The following CCDC91 variants were observed in gnomAD, a reference collection of about 807,000 sequenced individuals.
CCDC91 encodes coiled-coil domain containing 91, also known as coiled-coil domain-containing protein 91.
CCDC91 carries 48 observed loss-of-function variants against 63.2 expected under a neutral mutation model. The ratio of observed to expected loss-of-function variants is 0.76; its 90% confidence interval spans 0.60 to 0.97. CCDC91 has a LOEUF of 0.97. Among genes scored for constraint, CCDC91 ranks in the 50% least tolerant of loss-of-function variants. CCDC91 has a pLI of 0.00. For missense variants in CCDC91, 500 were observed against 494.6 expected, an observed-to-expected ratio of 1.01 and a Z score of -0.10; for synonymous variants, 167 against 165.8, an observed-to-expected ratio of 1.01 and a Z score of -0.06.
chr12:28,239,134 AAT>A (rs1555164216), intron 1 of CCDC91, among the ~76,000 whole-genome samples: 2 of 151,860 alleles, frequency 1.3e-5, no homozygotes, highest in East Asian at 3.9e-4. Flanking sequence ...AAAAAAAAAA[AAT>A]ATATGTGGCA....
intron 6 of CCDC91, among the ~76,000 whole-genome samples, chr12:28,343,784 G>A (rs966750114): frequency 7.2e-5 from 11 of 152,112 alleles, no homozygotes; most frequent in Non-Finnish European, 1.5e-4. Flanking sequence ...TAGAAATAAT[G>A]TATCATCTGA....
chr12:28,283,511 T>C (rs1948730834), intron 3 of CCDC91, among the ~76,000 whole-genome samples: 1 of 151,564 alleles, frequency 6.6e-6, no homozygotes, highest in South Asian at 2.1e-4. Context: ...CTTAGCTTGG[T>C]CATTATTGGT....
intron 12 of CCDC91, among the ~76,000 whole-genome samples, chr12:28,508,182 A>G (rs1405637669): frequency 6.6e-6 from 1 of 151,840 alleles, no homozygotes; most frequent in Non-Finnish European, 1.5e-5. Flanking sequence ...CCTCTATATA[A>G]TAAGTTCTTG....
chr12:28,500,431 T>A (rs1339593863), intron 12 of CCDC91, among the ~76,000 whole-genome samples: 1 of 152,166 alleles, frequency 6.6e-6, no homozygotes, highest in Non-Finnish European at 1.5e-5. Flanking sequence ...GCCTATGTCC[T>A]GAATGGTATT....
intron 8 of CCDC91, among the ~76,000 whole-genome samples, chr12:28,438,812 C>CCATCTTATGTTAAGGAG (rs1949038645): frequency 6.6e-6 from 1 of 152,058 alleles, no homozygotes; most frequent in Non-Finnish European, 1.5e-5. Context: ...TGGCATAACC[C>CCATCTTATGTTAAGGAG]CATCTTAAGT....
chr12:28,492,911 G>A (rs1284471975), intron 12 of CCDC91, among the ~76,000 whole-genome samples: 1 of 151,490 alleles, frequency 6.6e-6, no homozygotes, highest in African/African-American at 2.4e-5. Flanking sequence ...AGAAAAAGTT[G>A]CTTGCTGTAA....
chr12:28,323,389 C>T (rs1940700335), intron 6 of CCDC91, among the ~76,000 whole-genome samples: 1 of 151,610 alleles, frequency 6.6e-6, no homozygotes, highest in African/African-American at 2.4e-5. Flanking sequence ...TAAAACAGTC[C>T]CTCTTGTCCC....
At chr12:28,470,844 C>T (rs187305803) in intron 11 of CCDC91, among the ~76,000 whole-genome samples, 1 of 152,218 alleles carries the variant, frequency 6.6e-6, no homozygotes, top group Admixed American at 6.5e-5. Context: ...GAAAGACATA[C>T]ATTACATATT....
chr12:28,549,001 C>A, intron 12 of CCDC91, 62 bp from the exon 13 acceptor site: 1 of 1,148,310 alleles, frequency 8.7e-7, no homozygotes, highest in Admixed American at 1.9e-5. Context: ...ACATAATATT[C>A]TTTATCCTTC....
chr12:28,241,736 C>T (rs996486652), intron 1 of CCDC91, among the ~76,000 whole-genome samples: 2 of 152,064 alleles, frequency 1.3e-5, no homozygotes, highest in Admixed American at 1.3e-4. Flanking sequence ...GTGGCTCACA[C>T]CTGTAATCCC....
At chr12:28,226,487 T>C (rs569729560) in intron 1 of CCDC91, among the ~76,000 whole-genome samples, 1 of 152,302 alleles carries the variant, frequency 6.6e-6, no homozygotes, top group South Asian at 2.1e-4. Flanking sequence ...TTTCCTCTGC[T>C]TATCTCTTGA....
At chr12:28,522,996 A>G (rs1305594274) in intron 12 of CCDC91, among the ~76,000 whole-genome samples, 4 of 152,272 alleles carry the variant, frequency 2.6e-5, no homozygotes, top group East Asian at 3.9e-4. Flanking sequence ...ACTTCCAACT[A>G]TGTGGTCAGT....
At chr12:28,443,598 A>G (rs1006659628) in intron 8 of CCDC91, among the ~76,000 whole-genome samples, 4 of 151,832 alleles carry the variant, frequency 2.6e-5, no homozygotes, top group Non-Finnish European at 5.9e-5. Flanking sequence ...GTTTGATAGT[A>G]CTTAATGACA....
At chr12:28,523,201 G>A (rs1026990066) in intron 12 of CCDC91, among the ~76,000 whole-genome samples, 7 of 152,090 alleles carry the variant, frequency 4.6e-5, no homozygotes, top group African/African-American at 1.7e-4. Flanking sequence ...ATTATTGTGT[G>A]GGAGTCTAAG....
chr12:28,243,447 C>T (rs1945482203), intron 1 of CCDC91, among the ~76,000 whole-genome samples: 1 of 152,178 alleles, frequency 6.6e-6, no homozygotes, highest in South Asian at 2.1e-4. Context: ...TCACTACATT[C>T]ACCAAAAATA....
In CCDC91 at chr12:28,240,919, A is replaced by G. The variant is rs116777630; in HGVS notation, c.-14-16283A>G. On this transcript the variant is annotated intron_variant, in intron 1 of 12. Transcript: ENST00000536442. ...TTGCTTGCCCTTATAGGAGGTATAT[A>G]TTTAATTCTTAAAGAAACTGAACAA... 7.2e-3 allele frequency among the ~76,000 whole-genome samples: 1,102 copies of G among 152,282 alleles called. 17 individuals are homozygous for G. Among genetic ancestry groups the G allele is most frequent in the African/African-American group, 0.025 (1,055 of 41,566 alleles).
At chr12:28,369,006 C>T (rs188689821) in intron 7 of CCDC91, among the ~76,000 whole-genome samples, 5 of 152,266 alleles carry the variant, frequency 3.3e-5, no homozygotes, top group South Asian at 2.1e-4. Context: ...GATGAGATTT[C>T]GGTGGGGACA....
chr12:28,508,070 C>T (rs928766219), intron 12 of CCDC91, among the ~76,000 whole-genome samples: 2 of 151,894 alleles, frequency 1.3e-5, no homozygotes, highest in African/African-American at 4.8e-5. Context: ...CTGAGTACCA[C>T]AAACCACTAC....
chr12:28,196,041 G>T (rs1473709313), intron 1 of CCDC91, among the ~76,000 whole-genome samples: 1 of 152,182 alleles, frequency 6.6e-6, no homozygotes, highest in Admixed American at 6.5e-5. Flanking sequence ...GGAGGTAGAG[G>T]CTGCAGTGAG....
Sources: gnomAD v4.1 joint callset for allele counts (sites outside exome capture counted in the v4.1 genomes callset) on GRCh38, gnomAD v4.1.1 for gene constraint, MANE v1.5 for transcripts, NCBI Gene and HGNC (gene_info 2026-07-23, HGNC 2026-07-21) for gene names.